Variants in RNF144A observed in about 807,000 individuals in gnomAD.
RNF144A encodes ring finger protein 144A, also known as E3 ubiquitin-protein ligase RNF144A.
A neutral mutation model predicts 38.7 loss-of-function variants in RNF144A; 11 were observed. The ratio of observed to expected loss-of-function variants is 0.28; its 90% CI spans 0.18 to 0.47. The LOEUF (loss-of-function observed/expected upper bound fraction) is 0.47, where lower values mean the gene tolerates loss of function less well. Ranked by LOEUF, RNF144A falls within the 20% of genes least tolerant of loss-of-function variation. RNF144A has a pLI of 0.99. For synonymous variants in RNF144A, 149 were observed against 143.9 expected (o/e 1.04, Z -0.25); for missense variants, 316 against 377.2 (o/e 0.84, Z 1.34).
At chr2:6,969,793 G>C (rs944536282) in intron 2 of RNF144A, among the ~76,000 whole-genome samples, 1 of 152,132 alleles carries the variant, frequency 6.6e-6, no homozygotes, top group Admixed American at 6.5e-5. Flanking sequence ...AGACAGTCTC[G>C]CTGTGTCGCC....
downstream of RNF144A, among the ~76,000 whole-genome samples, chr2:7,048,491 C>T (rs1165682154): frequency 3.3e-5 from 5 of 152,174 alleles, no homozygotes; most frequent in Non-Finnish European, 7.3e-5. Context: ...CCCGGCCCAA[C>T]CCCACAGCCA....
At chr2:6,963,291 C>G (rs372014962) in intron 2 of RNF144A, among the ~76,000 whole-genome samples, 1 of 152,162 alleles carries the variant, frequency 6.6e-6, no homozygotes, top group African/African-American at 2.4e-5. Flanking sequence ...AGGTGAATCT[C>G]CAATGATTTG....
At chr2:7,074,738 A>T in the RNF144A span, 8 of 152,938 alleles carry the variant, frequency 5.2e-5, no homozygotes, top group African/African-American at 1.9e-4. Context: ...GAGGTGAACA[A>T]TGAGTATTTC....
intron 2 of RNF144A, among the ~76,000 whole-genome samples, chr2:6,979,503 T>A (rs1668502551): frequency 6.6e-6 from 1 of 152,122 alleles, no homozygotes; most frequent in South Asian, 2.1e-4. Flanking sequence ...GACATTCTTC[T>A]CAGGTGTGAA....
chr2:6,954,786 AG>A (rs1179163283), intron 2 of RNF144A, among the ~76,000 whole-genome samples: 1 of 152,246 alleles, frequency 6.6e-6, no homozygotes, highest in Non-Finnish European at 1.5e-5. Flanking sequence ...CGTGCGTGTA[AG>A]TCCAGGGCCA....
chr2:6,942,491 G>A (rs890703368), intron 2 of RNF144A, among the ~76,000 whole-genome samples: 4 of 152,212 alleles, frequency 2.6e-5, no homozygotes, highest in African/African-American at 9.6e-5. Flanking sequence ...GATAGCAGTA[G>A]CAGCAGCAGC....
intron 2 of RNF144A, among the ~76,000 whole-genome samples, chr2:6,979,933 G>A (rs187935014): frequency 6.6e-6 from 1 of 152,298 alleles, no homozygotes; most frequent in African/African-American, 2.4e-5. Context: ...GAGGCCTCAG[G>A]AAACTCACAA....
intron 2 of RNF144A, among the ~76,000 whole-genome samples, chr2:6,990,412 A>G (rs1297914397): frequency 3.6e-5 from 5 of 139,806 alleles, no homozygotes; most frequent in Non-Finnish European, 7.6e-5. Context: ...ACACACACAC[A>G]CACACACACA....
intron 2 of RNF144A, among the ~76,000 whole-genome samples, chr2:6,972,587 A>G (rs1879058): frequency 0.36 from 54,084 of 152,014 alleles, 10,051 homozygotes; most frequent in Non-Finnish European, 0.4. Flanking sequence ...CCTCTCTTCC[A>G]GGCCTCTCTG....
intron 8 of RNF144A, among the ~76,000 whole-genome samples, chr2:7,037,404 G>A (rs1672751011): frequency 1.3e-5 from 2 of 152,208 alleles, no homozygotes; most frequent in African/African-American, 4.8e-5. Flanking sequence ...ACTGACAGTT[G>A]TGTGCCAGGT....
chr2:6,987,502 A>G (rs542005631), intron 2 of RNF144A, among the ~76,000 whole-genome samples: 2 of 152,304 alleles, frequency 1.3e-5, no homozygotes, highest in East Asian at 1.9e-4. Flanking sequence ...CGCCTGGTCT[A>G]CAAAAGAAAA....
chr2:7,064,741 G>A (rs956897799), intron 6 of RNF144A, among the ~76,000 whole-genome samples: 3 of 152,192 alleles, frequency 2.0e-5, no homozygotes, highest in Non-Finnish European at 4.4e-5. Context: ...AGGTAGGGAA[G>A]GATAAAAGGT....
Position 6,997,153 on chromosome 2 carries a change from A to G in RNF144A, c.135+92A>G, listed in dbSNP as rs1669803118. 7 of 1,292,400 alleles carry G rather than the reference A, an allele frequency of 5.4e-6. No individual in the cohort carries two copies. The Admixed American group carries it at 7.1e-5, about 13-fold the overall frequency. The allele number at this position is 1,292,400 out of a possible 1,614,324, so 80.1% of individuals were successfully genotyped here. On this transcript the variant is annotated intron_variant, in intron 3 of 8. Transcript: ENST00000320892. The stretch of plus-strand genomic sequence containing the variant: ...GAGACACTAGGCAAACCTTTGGACT[A>G]CATTTTGCCTGACAGTGGAGTCTTC...
chr2:7,014,246 A>G (rs1372500211), intron 3 of RNF144A, among the ~76,000 whole-genome samples: 1 of 152,240 alleles, frequency 6.6e-6, no homozygotes, highest in Non-Finnish European at 1.5e-5. Flanking sequence ...TTGAGCATAC[A>G]GTCCCTGGCA....
At chr2:7,021,134 C>CCCTGCAGCCATTGATTACAA (rs1223800951) in intron 6 of RNF144A, among the ~76,000 whole-genome samples, 1 of 152,186 alleles carries the variant, frequency 6.6e-6, no homozygotes. Context: ...TGGCGGCCTC[C>CCCTGCAGCCATTGATTACAA]CCTGCAGCCA....
intron 7 of RNF144A, among the ~76,000 whole-genome samples, chr2:7,025,661 G>A (rs530431): frequency 0.27 from 41,308 of 152,040 alleles, 6,620 homozygotes; most frequent in Admixed American, 0.35. Flanking sequence ...AACAGAGTGA[G>A]ACTCCATCTC....
chr2:6,994,093 G>A (rs1251737616), intron 2 of RNF144A, among the ~76,000 whole-genome samples: 2 of 152,090 alleles, frequency 1.3e-5, no homozygotes, highest in Non-Finnish European at 2.9e-5. Flanking sequence ...GGAATTTGAA[G>A]CCAGGTCTGC....
Position 6,958,368 on chromosome 2 carries a change from C to T in RNF144A, c.-12+17221C>T, listed in dbSNP as rs3772014. Among the ~76,000 whole-genome samples, 10 of 152,340 alleles carry T rather than the reference C, an allele frequency of 6.6e-5. No individual in the cohort carries two copies. The East Asian group carries it at 1.9e-3, about 29-fold the overall frequency. On this transcript the variant is annotated intron_variant, in intron 2 of 8. Coordinates refer to ENST00000320892, the MANE Select transcript of RNF144A (RefSeq NM_014746.6). This position sits in a 1 kb window ranked among gnomAD's most constrained non-coding sequence, Gnocchi z 4.5. ...GCCTTCCTTGCTTTCCTCCCCGACA[C>T]CCAGGTGACCACCCAGTTTGGGAGG...
At chr2:6,965,452 G>A (rs992416712) in intron 2 of RNF144A, among the ~76,000 whole-genome samples, 5 of 152,190 alleles carry the variant, frequency 3.3e-5, no homozygotes, top group African/African-American at 7.2e-5. Context: ...CTCAATTACA[G>A]AAACGTCTAT....
Sources: gnomAD v4.1 joint callset for allele counts (sites outside exome capture counted in the v4.1 genomes callset) on GRCh38, gnomAD v4.1.1 for gene constraint, Gnocchi (gnomAD v3.1) non-coding constraint, MANE v1.5 for transcripts, NCBI Gene and HGNC (gene_info 2026-07-23, HGNC 2026-07-21) for gene names.